The following CERS3 variants were observed in gnomAD, a reference collection of about 807,000 sequenced individuals.
CERS3 encodes the protein LAG1 homolog, ceramide synthase 3.
CERS3 carries 33 observed loss-of-function variants against 50.3 expected under a neutral mutation model. That is an observed-to-expected ratio of 0.66 (90% CI 0.50 to 0.88). CERS3 has a LOEUF of 0.88. Among genes scored for constraint, CERS3 ranks in the 40% least tolerant of loss-of-function variants. The probability of loss-of-function intolerance (pLI) is 0.00; values close to 1 mark genes in which losing one functional copy is unlikely to be tolerated. For missense variants in CERS3, 470 were observed against 460.3 expected (o/e 1.02, Z -0.19); for synonymous variants, 176 against 155.2 (o/e 1.13, Z -0.99).
rs1567660619 is a variant in CERS3 at position 100,494,259 on chromosome 15, T to TATATATA, written c.174-3329_174-3328insTATATAT. ...TATATATATATATATATATATATAT[T>TATATATA]TGTTTTGAGATGGAGTCTTGCACTG... On this transcript the variant is annotated intron_variant, in intron 3 of 11. Transcript: ENST00000679737. 3.4e-3 allele frequency among the ~76,000 whole-genome samples: 57 copies of TATATATA among 16,816 alleles called. 7 individuals carry two copies. Among genetic ancestry groups the TATATATA allele is most frequent in the East Asian group, 6.0e-3 (5 of 830 alleles). 11.0% of individuals were successfully genotyped at this position (16,816 alleles called of 152,430 possible).
At chr15:100,442,920 C>T (rs2033748139) in intron 11 of CERS3, among the ~76,000 whole-genome samples, 1 of 151,624 alleles carries the variant, frequency 6.6e-6, no homozygotes, top group African/African-American at 2.4e-5. Flanking sequence ...TCCCTTGCCT[C>T]CATAACTGTT....
In CERS3 at chr15:100,544,342, A is replaced by ACCCT. The variant is rs1567697075; in HGVS notation, c.-355+308_-355+309insAGGG. ...GGACACCATCTGTGCGAGCACGGGG[A>ACCCT]CTCTGGGCCTTGACCTGCGCGGGGA... On this transcript the variant is annotated intron_variant, in intron 1 of 12. Transcript: ENST00000284382. The ACCCT allele has an allele frequency of 7.0e-3, 370 of 52,868 alleles. 6 individuals carry two copies. Among genetic ancestry groups the ACCCT allele is most frequent in the Middle Eastern group, 0.023 (2 of 88 alleles). 3.3% of individuals were successfully genotyped at this position (52,868 alleles called of 1,614,324 possible).
chr15:100,531,579 A>G (rs2036939844), upstream of CERS3, among the ~76,000 whole-genome samples: 1 of 152,246 alleles, frequency 6.6e-6, no homozygotes. Flanking sequence ...GGTTATCTCA[A>G]GGATTCCTAA....
chr15:100,472,972 A>G lies in CERS3; in HGVS notation c.690T>C (p.Ser230=). The change falls in exon 9 of 12, where the codon AGT becomes AGC. Residue 230 remains serine, a synonymous_variant. Transcript: ENST00000679737. ...CGTGTACAATCATCACGAGGGTCCC[A>G]CTGCGAATATAATTAGCACACCAAG... ...SFSWCANYIR[S]GTLVMIVHDV... 1.2e-6 allele frequency: 2 copies of G among 1,614,032 alleles called. No individual in the cohort carries two copies. Among genetic ancestry groups the G allele is most frequent in the Non-Finnish European group, 1.7e-6 (2 of 1,179,922 alleles).
chr15:100,446,723 A>G (rs2033958285), intron 11 of CERS3, among the ~76,000 whole-genome samples: 1 of 152,122 alleles, frequency 6.6e-6, no homozygotes, highest in African/African-American at 2.4e-5. Flanking sequence ...CCCTTATGTA[A>G]ACCAAAAATA....
intron 11 of CERS3, among the ~76,000 whole-genome samples, chr15:100,446,489 TTGCC>T (rs2142169749): frequency 6.6e-6 from 1 of 152,196 alleles, no homozygotes; most frequent in East Asian, 1.9e-4. Context: ...TCCATTTCCT[TTGCC>T]AACTCTTCAG....
At chr15:100,462,936 T>C (rs546803063) in intron 10 of CERS3, among the ~76,000 whole-genome samples, 1 of 152,302 alleles carries the variant, frequency 6.6e-6, no homozygotes, top group South Asian at 2.1e-4. Flanking sequence ...TGTATTGTGA[T>C]TATGTAAGAA....
intron 2 of CERS3, among the ~76,000 whole-genome samples, chr15:100,516,683 T>C (rs563783786): frequency 4.4e-4 from 67 of 152,344 alleles, no homozygotes; most frequent in African/African-American, 1.6e-3. Context: ...TCCCCCATTG[T>C]GTTCTCATCT....
intron 1 of CERS3, among the ~76,000 whole-genome samples, chr15:100,543,247 C>G (rs905110077): frequency 3.3e-5 from 5 of 152,184 alleles, no homozygotes; most frequent in African/African-American, 1.2e-4. Flanking sequence ...ATTTTGAAAA[C>G]TGTTGGTGTG....
chr15:100,526,478 C>CTGTGTGTGTGTGTGTGTGTG (rs1217852084), intron 1 of CERS3, among the ~76,000 whole-genome samples: 8,348 of 131,382 alleles, frequency 0.064, 381 homozygotes, highest in Non-Finnish European at 0.07. Flanking sequence ...CCTACATAAA[C>CTGTGTGTGTGTGTGTGTGTG]TGTGTGTGTG....
chr15:100,481,955 T>C (rs1349258756), intron 5 of CERS3, among the ~76,000 whole-genome samples: 2 of 152,278 alleles, frequency 1.3e-5, no homozygotes, highest in Non-Finnish European at 2.9e-5. Flanking sequence ...AGTATTGCTC[T>C]GAATGAAATT....
At chr15:100,427,918 T>C (rs1286086639) in intron 11 of CERS3, among the ~76,000 whole-genome samples, 1 of 151,954 alleles carries the variant, frequency 6.6e-6, no homozygotes, top group Non-Finnish European at 1.5e-5. Flanking sequence ...GGTCAGGTGG[T>C]GAAAAAAGCA....
Position 100,448,626 on chromosome 15 carries a change from G to A in CERS3, c.999+7267C>T, listed in dbSNP as rs918373194. On this transcript the variant is annotated intron_variant, in intron 11 of 11. Coordinates refer to ENST00000679737, the MANE Select transcript of CERS3 (RefSeq NM_001378789.1). Reference sequence around the variant, plus strand: ...GTGCCATTTTGAGAGCCTAGCCTCCGCCAAACTGCAGCCTGTGCTGAAGCA... The same window carrying A: ...GTGCCATTTTGAGAGCCTAGCCTCCACCAAACTGCAGCCTGTGCTGAAGCA... Among the ~76,000 whole-genome samples, 4 of 152,292 alleles carry A rather than the reference G, an allele frequency of 2.6e-5. No homozygotes were observed. The East Asian group carries it at 5.8e-4, about 22-fold the overall frequency.
At chr15:100,433,150 C>A (rs947507064) in intron 11 of CERS3, among the ~76,000 whole-genome samples, 1 of 151,600 alleles carries the variant, frequency 6.6e-6, no homozygotes, top group Non-Finnish European at 1.5e-5. Context: ...GCAGGAGAAT[C>A]GCTTGAACCC....
At chr15:100,438,036 C>CTTTTTTTTTTTTTTTTTTT (rs10712821) in intron 11 of CERS3, 1 of 102,002 alleles carries the variant, frequency 9.8e-6, no homozygotes, top group Admixed American at 1.3e-4. Context: ...TATGTACCCA[C>CTTTTTTTTTTTTTTTTTTT]TTTTTTTTTT....
intron 1 of CERS3, among the ~76,000 whole-genome samples, chr15:100,534,133 G>T (rs2037012794): frequency 6.6e-6 from 1 of 152,174 alleles, no homozygotes; most frequent in South Asian, 2.1e-4. Context: ...GATGGGTAAT[G>T]GCCATTTGTG....
chr15:100,529,951 A>C (rs2036897938), upstream of CERS3, among the ~76,000 whole-genome samples: 1 of 152,228 alleles, frequency 6.6e-6, no homozygotes, highest in Admixed American at 6.5e-5. Flanking sequence ...TTAAAGCTCC[A>C]AAGTTTCTCA....
chr15:100,520,204 G>A (rs550021980), intron 2 of CERS3, among the ~76,000 whole-genome samples: 52 of 152,286 alleles, frequency 3.4e-4, no homozygotes, highest in Non-Finnish European at 5.9e-4. Context: ...GGCAGGGGAC[G>A]TAGCATGCAG....
chr15:100,482,676 T>C (rs567042842), intron 5 of CERS3, among the ~76,000 whole-genome samples: 10 of 152,174 alleles, frequency 6.6e-5, no homozygotes, highest in Admixed American at 3.9e-4. Flanking sequence ...AGGGTCACCA[T>C]GAGAGAAAGT....
Sources: gnomAD v4.1 joint callset for allele counts (sites outside exome capture counted in the v4.1 genomes callset) on GRCh38, gnomAD v4.1.1 for gene constraint, MANE v1.5 for transcripts, NCBI Gene and HGNC (gene_info 2026-07-23, HGNC 2026-07-21) for gene names.